PRRC2B: variants seen among roughly 807,000 people sequenced by gnomAD.
The protein encoded by PRRC2B is protein PRRC2B.
Under a neutral mutation model 242.3 loss-of-function variants are expected in PRRC2B, and 68 were observed. The ratio of observed to expected loss-of-function variants is 0.28; its 90% CI spans 0.23 to 0.34. The LOEUF (loss-of-function observed/expected upper bound fraction) is 0.34, where lower values mean the gene tolerates loss of function less well. Ranked by LOEUF, PRRC2B falls within the 10% of genes least tolerant of loss-of-function variation. The pLI is 1.00. For synonymous variants in PRRC2B, 1,228 were observed against 1,173.6 expected (o/e 1.05, Z -0.95); for missense variants, 2,835 against 2,954.8 (o/e 0.96, Z 0.94).
In PRRC2B at chr9:131,475,018, G is replaced by A; in HGVS notation, c.2889G>A (p.Lys963=). The A allele has an allele frequency of 1.2e-6, 2 of 1,606,000 alleles. No homozygotes were observed. Among genetic ancestry groups the A allele is most frequent in the Non-Finnish European group, 1.7e-6 (2 of 1,176,250 alleles). Residue 963 remains lysine (K), a synonymous_variant, in exon 16 of 32, where the codon AAG becomes AAA. Transcript: ENST00000683519. ...AGGAGAAGGAGCTTGAGAAGATTAA[G>A]CAGGAGCTAGGGGAGGAGAGTACCC... The part of the protein sequence containing the change: ...EDKEKELEKI[K]QELGEESTRL...
chr9:131,466,767 G>C (rs566615981), intron 12 of PRRC2B, among the ~76,000 whole-genome samples: 1 of 151,912 alleles, frequency 6.6e-6, no homozygotes, highest in South Asian at 2.1e-4. Flanking sequence ...TTACAGGCGA[G>C]CGCCACCATG....
chr9:131,405,077 T>C (rs1363737213), intron 1 of PRRC2B, among the ~76,000 whole-genome samples: 3 of 152,182 alleles, frequency 2.0e-5, no homozygotes, highest in Non-Finnish European at 2.9e-5. Context: ...TTGGATTGTT[T>C]TGGGTGTGCA....
chr9:131,497,337 A>G lies in PRRC2B; in HGVS notation c.*1463A>G, dbSNP rs1480276348. On this transcript the variant is annotated 3_prime_UTR_variant, in exon 32 of 32. Coordinates refer to ENST00000683519, the MANE Select transcript of PRRC2B (RefSeq NM_013318.4). ...CTGGGCTTGTTTTTAAGTAAGAAAC[A>G]AGGAAATCACTCCAGATTCTGTCAT... 1 of 152,276 alleles carries G rather than the reference A, an allele frequency of 6.6e-6. No homozygotes were observed. The highest frequency in any genetic ancestry group is 1.5e-5 in the Non-Finnish European group (1 of 68,080). The allele number at this position is 152,276 out of a possible 1,614,324, so 9.4% of individuals were successfully genotyped here.
chr9:131,446,377 C>CT lies in PRRC2B; in HGVS notation c.614-20dup, dbSNP rs966803248. The CT allele has an allele frequency of 4.3e-6, 7 of 1,612,614 alleles. No homozygotes were observed. Among genetic ancestry groups the CT allele is most frequent in the Non-Finnish European group, 5.9e-6 (7 of 1,179,470 alleles). ...CCTTCCCCCTCCTCTTCCCTCTCCCCTTTTGCCCCCTTTCAATTTCCAGAT... is the reference window on the plus strand; with the variant it reads ...CCTTCCCCCTCCTCTTCCCTCTCCCCTTTTTGCCCCCTTTCAATTTCCAGAT... On this transcript the variant is annotated intron_variant, in intron 6 of 31. Transcript: ENST00000683519. The surrounding 1 kb of genome is among the most constrained non-coding windows in gnomAD (Gnocchi z 4.1).
chr9:131,466,638 G>T (rs560942416), intron 12 of PRRC2B, among the ~76,000 whole-genome samples: 143 of 144,478 alleles, frequency 9.9e-4, no homozygotes, highest in African/African-American at 3.4e-3. Flanking sequence ...TTTTTTTGCT[G>T]GGGGGAGATG....
At chr9:131,391,544 A>G (rs966752218), upstream of PRRC2B, among the ~76,000 whole-genome samples, 1 of 152,154 alleles carries the variant, frequency 6.6e-6, no homozygotes, top group African/African-American at 2.4e-5. Flanking sequence ...TTCAGGGATC[A>G]GGACTTGGAC....
At chr9:131,401,304 A>G (rs1407908867) in intron 1 of PRRC2B, among the ~76,000 whole-genome samples, 2 of 151,648 alleles carry the variant, frequency 1.3e-5, no homozygotes, top group Non-Finnish European at 2.9e-5. Flanking sequence ...CATCTTCCCA[A>G]ACTGAAACTC....
At position 131,498,991 on chromosome 9, in the gene PRRC2B, C is replaced by CA. The variant is rs1430309379; in HGVS notation, c.*3118dup. The CA allele has an allele frequency of 6.6e-6, 1 of 151,840 alleles. No individual in the cohort carries two copies. Among genetic ancestry groups the CA allele is most frequent in the Non-Finnish European group, 1.5e-5 (1 of 67,980 alleles). 9.4% of individuals were successfully genotyped at this position (151,840 alleles called of 1,614,324 possible). A position where few individuals can be genotyped will look rare whatever the true frequency, so the allele number is the denominator to read the frequency against. Reference sequence around the variant, plus strand: ...ACAGCGTTTTTTGTTTTTTTTTAAACATTCATATTGTTTTCAAACTTGGAA... The same window carrying CA: ...ACAGCGTTTTTTGTTTTTTTTTAAACAATTCATATTGTTTTCAAACTTGGAA... On this transcript the variant is annotated 3_prime_UTR_variant, in exon 32 of 32. Coordinates refer to ENST00000683519, the MANE Select transcript of PRRC2B (RefSeq NM_013318.4).
Position 131,491,443 on chromosome 9 carries a change from C to T in PRRC2B, c.6244C>T (p.Arg2082Trp), listed in dbSNP as rs1944191667. The T allele has an allele frequency of 6.2e-7, 1 of 1,606,246 alleles. No individual in the cohort carries two copies. The highest frequency in any genetic ancestry group is 8.5e-7 in the Non-Finnish European group (1 of 1,176,644). ...QLPQLTMPLP[R>W]YGSGQQPLIL... ...CCAGCAGCTGACCATGCCACTGCCT[C>T]GGTACGGCTCCGGGCAGCAGCCACT... The change falls in exon 29 of 32, where the codon CGG (arginine) becomes TGG (tryptophan). Residue 2082 changes from arginine (R) to tryptophan (W), a missense_variant. Arg to Trp is a moderately radical substitution (Grantham distance 101). Around this residue, in one of 7 missense-constraint regions of PRRC2B, gnomAD observed 574 missense variants for 626.0 expected, o/e 0.92. Coordinates refer to ENST00000683519, the MANE Select transcript of PRRC2B (RefSeq NM_013318.4).
At chr9:131,423,721 C>T (rs187257440) in intron 1 of PRRC2B, among the ~76,000 whole-genome samples, 101 of 152,326 alleles carry the variant, frequency 6.6e-4, no homozygotes, top group African/African-American at 1.4e-3. Context: ...TTCAGGCTGC[C>T]GGCCCCTGCT....
chr9:131,397,202 A>T (rs1837085170), intron 1 of PRRC2B, among the ~76,000 whole-genome samples: 1 of 152,114 alleles, frequency 6.6e-6, no homozygotes, highest in African/African-American at 2.4e-5. Context: ...CTCTCCCATG[A>T]GCTTCTGCAT....
rs78835016 is a variant in PRRC2B, at chr9:131,437,527, C to T, written c.396+805C>T. Among the ~76,000 whole-genome samples, 1,480 of 152,240 alleles carry T rather than the reference C, an allele frequency of 9.7e-3. 31 individuals are homozygous for T. Among genetic ancestry groups the T allele is most frequent in the African/African-American group, 0.034 (1,398 of 41,538 alleles). ...AATTTTTTAGAAGACTAAAAGTAGA[C>T]GTAGATATCTCATATTCACCAGCTC... is the stretch of plus-strand genomic sequence containing the variant. On this transcript the variant is annotated intron_variant, in intron 4 of 31. Transcript: ENST00000683519.
intron 1 of PRRC2B, among the ~76,000 whole-genome samples, chr9:131,412,251 C>G (rs1837526814): frequency 6.6e-6 from 1 of 152,144 alleles, no homozygotes; most frequent in Non-Finnish European, 1.5e-5. Context: ...GTGGGTGGTC[C>G]TCTTGGCCCT....
intron 1 of PRRC2B, among the ~76,000 whole-genome samples, chr9:131,405,640 T>G (rs1410146867): frequency 6.6e-6 from 1 of 152,132 alleles, no homozygotes; most frequent in Non-Finnish European, 1.5e-5. Flanking sequence ...TGGGTGGTGG[T>G]GTTTCATCAG....
At chr9:131,439,836 C>T (rs1179418825) in intron 5 of PRRC2B, among the ~76,000 whole-genome samples, 1 of 151,910 alleles carries the variant, frequency 6.6e-6, no homozygotes. Context: ...CGGGCTCAAG[C>T]AATCCTCCCA....
At chr9:131,398,691 T>A (rs1299701707) in intron 1 of PRRC2B, among the ~76,000 whole-genome samples, 1 of 152,182 alleles carries the variant, frequency 6.6e-6, no homozygotes, top group Non-Finnish European at 1.5e-5. Flanking sequence ...AATACATTTT[T>A]CTTGTGGTAG....
chr9:131,417,280 A>T (rs1837684422), intron 1 of PRRC2B, among the ~76,000 whole-genome samples: 1 of 151,808 alleles, frequency 6.6e-6, no homozygotes, highest in Non-Finnish European at 1.5e-5. Flanking sequence ...GAAGCTTCTG[A>T]GGTTTGCCAC....
chr9:131,394,853 C>T (rs1836999265), intron 1 of PRRC2B, among the ~76,000 whole-genome samples: 2 of 151,908 alleles, frequency 1.3e-5, no homozygotes, highest in African/African-American at 2.4e-5. Context: ...CGCCCAGTCT[C>T]GGTGTGAGTG....
At chr9:131,488,793 ACT>A (rs1048390850) in intron 28 of PRRC2B, among the ~76,000 whole-genome samples, 3 of 151,830 alleles carry the variant, frequency 2.0e-5, no homozygotes, top group African/African-American at 4.8e-5. Context: ...CAAGCCCTTC[ACT>A]CTGCTATGGT....
Sources: allele counts gnomAD v4.1 joint callset (sites outside exome capture counted in the v4.1 genomes callset), GRCh38; gene constraint gnomAD v4.1.1; regional missense constraint gnomAD v4.1.1; non-coding constraint Gnocchi (gnomAD v3.1); transcripts MANE v1.5; gene names NCBI Gene and HGNC (gene_info 2026-07-23, HGNC 2026-07-21).